SLC38A4: variants seen among roughly 807,000 people sequenced by gnomAD.
SLC38A4 encodes the protein solute carrier family 38 member 4, also known as sodium-coupled neutral amino acid transporter 4.
Under a neutral mutation model 63.1 loss-of-function variants are expected in SLC38A4, and 20 were observed. The observed-to-expected ratio is 0.32, with a 90% CI of 0.22 to 0.46. The LOEUF (loss-of-function observed/expected upper bound fraction) is 0.46. Among genes scored for constraint, SLC38A4 ranks in the 20% least tolerant of loss-of-function variants. SLC38A4 has a pLI of 1.00. For missense variants in SLC38A4, 526 were observed against 663.6 expected, an observed-to-expected ratio of 0.79 and a Z score of 2.28; for synonymous variants, 230 against 225.5, an observed-to-expected ratio of 1.02 and a Z score of -0.18.
At chr12:46,815,069 A>T (rs943104661) in intron 1 of SLC38A4, among the ~76,000 whole-genome samples, 35 of 151,810 alleles carry the variant, frequency 2.3e-4, no homozygotes, top group African/African-American at 8.2e-4. Context: ...AATGCTTAAA[A>T]AACAATTTTC....
chr12:46,769,732 G>C (rs1034063188), intron 14 of SLC38A4, among the ~76,000 whole-genome samples: 20 of 151,940 alleles, frequency 1.3e-4, no homozygotes, highest in Non-Finnish European at 2.5e-4. Flanking sequence ...GCTTTTCTAC[G>C]TTTGGAGACA....
At chr12:46,769,255 G>A in intron 15 of SLC38A4, 29 bp downstream of exon 15, 1 of 1,611,536 alleles carries the variant, frequency 6.2e-7, no homozygotes, top group Non-Finnish European at 8.5e-7. Context: ...AGTTTGGGTT[G>A]ACCAAATTGA....
At chr12:46,811,522 G>T (rs1015692578) in intron 1 of SLC38A4, among the ~76,000 whole-genome samples, 4 of 151,976 alleles carry the variant, frequency 2.6e-5, no homozygotes, top group African/African-American at 9.7e-5. Context: ...CCACTGGAAA[G>T]GTCAGTGCAG....
At chr12:46,807,143 T>C (rs1363871873) in intron 1 of SLC38A4, among the ~76,000 whole-genome samples, 3 of 151,996 alleles carry the variant, frequency 2.0e-5, no homozygotes, top group African/African-American at 7.2e-5. Context: ...TGTAGCCAAA[T>C]TGGAAGAAGA....
chr12:46,824,877 A>C (rs534813955), intron 1 of SLC38A4, among the ~76,000 whole-genome samples: 13 of 152,382 alleles, frequency 8.5e-5, no homozygotes, highest in African/African-American at 1.2e-4. Flanking sequence ...CATGTGGCAA[A>C]ATGGCATAGA....
At chr12:46,769,804 G>A (rs1938377790) in intron 14 of SLC38A4, among the ~76,000 whole-genome samples, 1 of 152,040 alleles carries the variant, frequency 6.6e-6, no homozygotes, top group Non-Finnish European at 1.5e-5. Flanking sequence ...TGCTGTACAG[G>A]TTTGTAGCCT....
At chr12:46,792,898 ATGTC>A (rs895682686) in intron 3 of SLC38A4, 51 bp downstream of exon 3, 2 of 1,314,630 alleles carry the variant, frequency 1.5e-6, no homozygotes, top group African/African-American at 2.9e-5. Flanking sequence ...CCTGTTTTCC[ATGTC>A]CACATCCTGT....
chr12:46,775,876 G>A (rs774563052), intron 13 of SLC38A4, among the ~76,000 whole-genome samples: 8 of 151,994 alleles, frequency 5.3e-5, no homozygotes, highest in Admixed American at 1.3e-4. Context: ...ATCAAGCGTA[G>A]TTGGATTTTC....
chr12:46,788,679 A>G (rs1938816501), intron 3 of SLC38A4, 61 bp from the exon 4 acceptor site: 1 of 1,438,394 alleles, frequency 7.0e-7, no homozygotes, highest in South Asian at 1.2e-5. Flanking sequence ...TCTGAATCAT[A>G]TGTATGTTTC....
intron 1 of SLC38A4, among the ~76,000 whole-genome samples, chr12:46,807,770 A>G (rs527769438): frequency 6.6e-6 from 1 of 152,106 alleles, no homozygotes; most frequent in Non-Finnish European, 1.5e-5. Context: ...TATTTGTATC[A>G]CTTGTAAAGT....
chr12:46,785,145 A>G lies in SLC38A4; in HGVS notation c.359T>C (p.Leu120Pro). The change falls in exon 6 of 17, where the codon CTG becomes CCG. Residue 120 changes from leucine to proline, a missense_variant. Transcript: ENST00000266579. ...TTTTAATAAAAGGTGAACTGAATAC[A>G]GTGATAATATTGCCACAGCAAGCAG... is the stretch of plus-strand genomic sequence containing the variant. ...IMLLAVAILS[L>P]YSVHLLLKTA... 1 of 1,612,934 alleles carries G rather than the reference A, an allele frequency of 6.2e-7. No individual in the cohort carries two copies. Among genetic ancestry groups the G allele is most frequent in the Non-Finnish European group, 8.5e-7 (1 of 1,179,216 alleles).
At chr12:46,791,145 C>T (rs1240804882) in intron 3 of SLC38A4, among the ~76,000 whole-genome samples, 1 of 152,164 alleles carries the variant, frequency 6.6e-6, no homozygotes, top group African/African-American at 2.4e-5. Flanking sequence ...GCATGCCTTT[C>T]AGAAACATCC....
chr12:46,808,943 G>T (rs922971592), intron 1 of SLC38A4, among the ~76,000 whole-genome samples: 1 of 151,912 alleles, frequency 6.6e-6, no homozygotes, highest in Non-Finnish European at 1.5e-5. Context: ...TGCTGGGCTG[G>T]GTTGACTCTC....
intron 1 of SLC38A4, among the ~76,000 whole-genome samples, chr12:46,832,053 C>G (rs938279916): frequency 6.6e-6 from 1 of 152,112 alleles, no homozygotes; most frequent in Non-Finnish European, 1.5e-5. Context: ...TCCATGTGCC[C>G]TAGTTTACGT....
intron 1 of SLC38A4, among the ~76,000 whole-genome samples, chr12:46,818,853 T>C (rs528100573): frequency 1.3e-4 from 19 of 152,000 alleles, no homozygotes; most frequent in African/African-American, 4.3e-4. Context: ...TCTGGGTGAG[T>C]AGACCAGTAC....
chr12:46,786,100 G>A (rs149911151), intron 5 of SLC38A4, among the ~76,000 whole-genome samples: 89 of 152,064 alleles, frequency 5.9e-4, no homozygotes, highest in Middle Eastern at 6.8e-3. Flanking sequence ...ATTTTCCATA[G>A]AGTATGTTTG....
chr12:46,805,890 T>A (rs374870067), intron 1 of SLC38A4, among the ~76,000 whole-genome samples: 9 of 151,858 alleles, frequency 5.9e-5, no homozygotes, highest in East Asian at 1.9e-4. Context: ...TGTGTGTCTA[T>A]AGGGGTAGGG....
intron 1 of SLC38A4, among the ~76,000 whole-genome samples, chr12:46,825,210 T>G (rs1939623812): frequency 6.9e-6 from 1 of 144,368 alleles, no homozygotes; most frequent in Admixed American, 6.8e-5. Flanking sequence ...AATATTGTAC[T>G]AAAGTGTGTC....
intron 7 of SLC38A4, among the ~76,000 whole-genome samples, 177 bp from the exon 8 acceptor site, chr12:46,780,207 G>C (rs568491975): frequency 6.6e-6 from 1 of 152,108 alleles, no homozygotes; most frequent in South Asian, 2.1e-4. Context: ...TGACCTTCCA[G>C]CTCTTTCAGG....
Sources: allele counts gnomAD v4.1 joint callset (sites outside exome capture counted in the v4.1 genomes callset), GRCh38; gene constraint gnomAD v4.1.1; transcripts MANE v1.5; gene names NCBI Gene and HGNC (gene_info 2026-07-23, HGNC 2026-07-21).